Variants in EPB41L4B observed in about 807,000 individuals in gnomAD.
The protein encoded by EPB41L4B is erythrocyte membrane protein band 4.1 like 4B, also known as band 4.1-like protein 4B.
In EPB41L4B, 30 loss-of-function variants were observed where a neutral mutation model predicts 112.5. The ratio of observed to expected loss-of-function variants is 0.27; its 90% CI spans 0.20 to 0.36. EPB41L4B has a LOEUF of 0.36. Ranked by LOEUF, EPB41L4B falls within the 10% of genes least tolerant of loss-of-function variation. The pLI is 1.00. For synonymous variants in EPB41L4B, 408 were observed against 439.7 expected (o/e 0.93, Z 0.90); for missense variants, 1,024 against 1,133.3 (o/e 0.90, Z 1.38).
At chr9:109,262,452 G>GGGTGT (rs1554756265) in intron 6 of EPB41L4B, among the ~76,000 whole-genome samples, 26 of 149,656 alleles carry the variant, frequency 1.7e-4, no homozygotes, top group African/African-American at 5.9e-4. Context: ...TGTGTGTGGG[G>GGGTGT]GTGTGTGTGT....
chr9:109,318,996 G>A (rs769030760), intron 1 of EPB41L4B, among the ~76,000 whole-genome samples: 39 of 152,070 alleles, frequency 2.6e-4, no homozygotes, highest in Non-Finnish European at 4.4e-4. Context: ...TCTCCCACCC[G>A]GGAAGGCCTA....
chr9:109,302,310 G>A (rs768286341), intron 1 of EPB41L4B, among the ~76,000 whole-genome samples: 14 of 152,284 alleles, frequency 9.2e-5, no homozygotes, highest in Admixed American at 5.9e-4. Flanking sequence ...GTAGATGGTC[G>A]TCTTCTCCTG....
intron 1 of EPB41L4B, among the ~76,000 whole-genome samples, chr9:109,288,603 G>A (rs944953978): frequency 1.3e-5 from 2 of 151,388 alleles, no homozygotes; most frequent in African/African-American, 4.9e-5. Context: ...GGCACCTGTA[G>A]TCCCAGCTAC....
intron 17 of EPB41L4B, among the ~76,000 whole-genome samples, chr9:109,211,105 T>G (rs1833150090): frequency 6.6e-6 from 1 of 152,174 alleles, no homozygotes. Flanking sequence ...GAAAATGACA[T>G]CTCACCATTC....
intron 1 of EPB41L4B, among the ~76,000 whole-genome samples, chr9:109,313,661 C>A (rs1384696496): frequency 6.6e-6 from 1 of 152,158 alleles, no homozygotes; most frequent in Admixed American, 6.5e-5. Context: ...TTGCTTCCTA[C>A]CAAGGGAGGG....
rs1564317213 is a variant in EPB41L4B, at chr9:109,281,718, A to AATT, written c.307-1798_307-1797insAAT. ...TAAATAAATAAATAAATAAATAAAT[A>AATT]AATAAATTAATTAATTAATTTTAAA... On this transcript the variant is annotated intron_variant, in intron 1 of 25. Transcript: ENST00000374566. 8.4e-4 allele frequency among the ~76,000 whole-genome samples: 99 copies of AATT among 118,290 alleles called. 1 individual carries two copies. Among genetic ancestry groups the AATT allele is most frequent in the African/African-American group, 3.4e-3 (92 of 27,048 alleles). 77.6% of individuals were successfully genotyped at this position (118,290 alleles called of 152,430 possible).
intron 1 of EPB41L4B, among the ~76,000 whole-genome samples, chr9:109,284,876 C>T (rs1688044409): frequency 6.6e-6 from 1 of 152,208 alleles, no homozygotes; most frequent in African/African-American, 2.4e-5. Flanking sequence ...TACCTATTAT[C>T]ATGGCTCAAG....
chr9:109,181,066 C>T (rs10114922), intron 24 of EPB41L4B, among the ~76,000 whole-genome samples: 42,751 of 152,078 alleles, frequency 0.28, 6,288 homozygotes, highest in East Asian at 0.39. Flanking sequence ...GGCTGGAATC[C>T]AGTGGTGCAG....
At chr9:109,271,702 G>T (rs750427643) in intron 2 of EPB41L4B, among the ~76,000 whole-genome samples, 2 of 152,164 alleles carry the variant, frequency 1.3e-5, no homozygotes, top group African/African-American at 4.8e-5. Flanking sequence ...TAGCCATGCC[G>T]CCTGTGGGTA....
chr9:109,232,538 T>G (rs1833989588), intron 15 of EPB41L4B, among the ~76,000 whole-genome samples: 1 of 152,218 alleles, frequency 6.6e-6, no homozygotes, highest in African/African-American at 2.4e-5. Flanking sequence ...TGTCATCCTG[T>G]GCACTCTGAC....
intron 1 of EPB41L4B, among the ~76,000 whole-genome samples, chr9:109,291,616 G>T (rs901462501): frequency 2.1e-4 from 32 of 152,178 alleles, no homozygotes; most frequent in African/African-American, 7.0e-4. Flanking sequence ...CAATCTCTTA[G>T]AAATCAGAGG....
intron 25 of EPB41L4B, among the ~76,000 whole-genome samples, chr9:109,175,352 T>C (rs1588110910): frequency 6.6e-6 from 1 of 152,186 alleles, no homozygotes; most frequent in Non-Finnish European, 1.5e-5. Context: ...AAATAATTAA[T>C]TATATTTTAA....
chr9:109,307,227 C>CT (rs200080250), intron 1 of EPB41L4B: 9,926 of 374,890 alleles, frequency 0.026, 45 homozygotes, highest in East Asian at 0.091. Context: ...TAAATTTTTC[C>CT]TTTTTTTTTT....
chr9:109,243,536 T>C (rs1235823133), intron 15 of EPB41L4B, 82 bp downstream of exon 15: 1 of 1,331,180 alleles, frequency 7.5e-7, no homozygotes, highest in Non-Finnish European at 1.1e-6. Flanking sequence ...GCAGACTTTC[T>C]ACTCCTAACT....
At chr9:109,248,128 CCCTGG>C (rs1228360875) in intron 13 of EPB41L4B, among the ~76,000 whole-genome samples, 1 of 152,212 alleles carries the variant, frequency 6.6e-6, no homozygotes, top group Non-Finnish European at 1.5e-5. Context: ...TTCAGGCCTG[CCCTGG>C]CATTGCTGGG....
chr9:109,194,783 G>A (rs557815939), intron 20 of EPB41L4B, among the ~76,000 whole-genome samples: 8 of 152,122 alleles, frequency 5.3e-5, no homozygotes, highest in East Asian at 1.9e-4. Flanking sequence ...GATATTGAAC[G>A]ATAACTCCCC....
intron 22 of EPB41L4B, among the ~76,000 whole-genome samples, chr9:109,187,267 C>T (rs1234217958): frequency 1.3e-5 from 2 of 152,094 alleles, no homozygotes; most frequent in South Asian, 2.1e-4. Flanking sequence ...GCCTCTTTTC[C>T]GTCTCCAAAG....
intron 2 of EPB41L4B, 57 bp from the exon 3 acceptor site, chr9:109,268,490 C>CCTCA: frequency 6.7e-7 from 1 of 1,488,954 alleles, no homozygotes; most frequent in Admixed American, 1.9e-5. Flanking sequence ...GTTATTCAGC[C>CCTCA]CTCACAGTTA....
At chr9:109,269,224 T>C (rs542927787) in intron 2 of EPB41L4B, among the ~76,000 whole-genome samples, 11 of 152,352 alleles carry the variant, frequency 7.2e-5, no homozygotes, top group Non-Finnish European at 1.3e-4. Context: ...TTTATTCTTT[T>C]GCCAGGAAAA....
Sources: allele counts gnomAD v4.1 joint callset (sites outside exome capture counted in the v4.1 genomes callset), GRCh38; gene constraint gnomAD v4.1.1; transcripts MANE v1.5; gene names NCBI Gene and HGNC (gene_info 2026-07-23, HGNC 2026-07-21).